Variants in LY9 observed in about 807,000 individuals in gnomAD.
The protein encoded by LY9 is T-lymphocyte surface antigen Ly-9.
A neutral mutation model predicts 64.6 loss-of-function variants in LY9; 59 were observed. The ratio of observed to expected loss-of-function variants is 0.91; its 90% CI spans 0.74 to 1.13. LY9 has a LOEUF of 1.13. Among genes scored for constraint, LY9 ranks in the 50% most tolerant of loss-of-function variants. The pLI is 0.00. For missense variants in LY9, 789 were observed against 797.2 expected (o/e 0.99, Z 0.12); for synonymous variants, 281 against 308.5 (o/e 0.91, Z 0.93).
chr1:160,799,281 C>T (rs1666206333), intron 1 of LY9: 1 of 157,780 alleles, frequency 6.3e-6, no homozygotes, highest in Non-Finnish European at 1.4e-5. Context: ...ACTTTGCTTG[C>T]TTTATCACTC....
chr1:160,806,642 C>T (rs1044661851), intron 2 of LY9, among the ~76,000 whole-genome samples: 2 of 152,156 alleles, frequency 1.3e-5, no homozygotes, highest in African/African-American at 2.4e-5. Flanking sequence ...AGATGTTTTT[C>T]TCTTACTGTT....
chr1:160,817,910 T>C (rs1222959669), intron 5 of LY9, among the ~76,000 whole-genome samples: 1 of 152,072 alleles, frequency 6.6e-6, no homozygotes, highest in African/African-American at 2.4e-5. Flanking sequence ...AGCGGGGCAG[T>C]GTAATGTGGC....
rs1665843488 is a variant in LY9 at position 160,796,251 on chromosome 1, A to G, written c.64A>G (p.Arg22Gly). ...APGPFSSKPQ[R>G]SQLQIFSSVL... ...TGGGCCTTTCTCCAGTAAGCCACAG[A>G]GGAGTCAGCTGCAAATATTCTCTTC... Residue 22 changes from arginine to glycine, a missense_variant, in exon 1 of 10, where the codon AGG (arginine) becomes GGG (glycine). Arg to Gly is a moderately radical substitution (Grantham distance 125, BLOSUM62 -2). Transcript: ENST00000263285. 6.2e-7 allele frequency: 1 copy of G among 1,614,086 alleles called. No homozygotes were observed. Among genetic ancestry groups the G allele is most frequent in the African/African-American group, 1.3e-5 (1 of 75,048 alleles).
At chr1:160,800,399 T>C (rs1020808029) in intron 2 of LY9, among the ~76,000 whole-genome samples, 1 of 151,966 alleles carries the variant, frequency 6.6e-6, no homozygotes, top group Non-Finnish European at 1.5e-5. Context: ...ACCATCCACT[T>C]CCACATGATC....
chr1:160,827,658 G>A (rs1571073890), intron 9 of LY9, 90 bp from the exon 10 acceptor site: 3 of 1,018,162 alleles, frequency 2.9e-6, no homozygotes, highest in East Asian at 5.0e-5. Context: ...GGATGGACCA[G>A]TCATAGCCTG....
chr1:160,802,347 C>A (rs935557178), intron 2 of LY9: 19 of 988,260 alleles, frequency 1.9e-5, no homozygotes, highest in Non-Finnish European at 2.0e-5. Flanking sequence ...GGAGGCCATC[C>A]GGGCCTGCTG....
At chr1:160,819,156 C>A (rs1378910105) in intron 6 of LY9, among the ~76,000 whole-genome samples, 165 bp from the exon 7 acceptor site, 1 of 152,200 alleles carries the variant, frequency 6.6e-6, no homozygotes, top group Non-Finnish European at 1.5e-5. Flanking sequence ...CTGGCCACCC[C>A]TTCACATAGG....
At position 160,828,141 on chromosome 1, in the gene LY9, A is replaced by ACAC. The variant is rs1022088835; in HGVS notation, c.*330_*332dup. On this transcript the variant is annotated 3_prime_UTR_variant, in exon 10 of 10. Transcript: ENST00000263285. The stretch of plus-strand genomic sequence containing the variant: ...GAGGGGCCTGGACCAGCTGTCCTTT[A>ACAC]CACCACCTTCTCAACACTGCTGAAA... 1 of 182,412 alleles carries ACAC rather than the reference A, an allele frequency of 5.5e-6. No homozygotes were observed. The highest frequency in any genetic ancestry group is 6.2e-5 in the Admixed American group (1 of 16,112). 11.3% of individuals were successfully genotyped at this position (182,412 alleles called of 1,614,324 possible). A position where few individuals can be genotyped will look rare whatever the true frequency, so the allele number is the denominator to read the frequency against.
At chr1:160,823,435 C>T (rs1668633192) in intron 7 of LY9, 30 bp from the exon 8 acceptor site, 4 of 1,556,518 alleles carry the variant, frequency 2.6e-6, no homozygotes, top group Middle Eastern at 1.7e-4. Flanking sequence ...GGTTGGCATA[C>T]TTTTATCAGC....
chr1:160,801,505 T>C (rs1012989471), intron 2 of LY9, among the ~76,000 whole-genome samples: 1 of 152,198 alleles, frequency 6.6e-6, no homozygotes, highest in Non-Finnish European at 1.5e-5. Context: ...TTCAACTCGT[T>C]GTCTCTTCAC....
chr1:160,826,816 C>T (rs1178230932), intron 9 of LY9, among the ~76,000 whole-genome samples: 4 of 152,216 alleles, frequency 2.6e-5, no homozygotes, highest in Admixed American at 2.6e-4. Context: ...GCCTTGGAAC[C>T]TAAGGCCAAA....
intron 2 of LY9, 114 bp downstream of exon 2, chr1:160,800,196 A>G (rs2101737817): frequency 1.4e-6 from 1 of 731,578 alleles, no homozygotes; most frequent in South Asian, 1.9e-5. Context: ...ATCAAGTCAG[A>G]GTTTTCAGTG....
intron 9 of LY9, among the ~76,000 whole-genome samples, chr1:160,826,133 A>C (rs1668840006): frequency 6.6e-6 from 1 of 152,234 alleles, no homozygotes; most frequent in Non-Finnish European, 1.5e-5. Context: ...TCTTACAATA[A>C]AGTAAGCTAG....
intron 2 of LY9, chr1:160,802,044 A>G (rs1396839334): frequency 1.4e-6 from 2 of 1,432,994 alleles, no homozygotes; most frequent in Non-Finnish European, 1.8e-6. Context: ...CGAGGCTGCT[A>G]GACGTGGGCG....
intron 2 of LY9, among the ~76,000 whole-genome samples, chr1:160,805,756 C>G (rs1417412022): frequency 7.1e-6 from 1 of 141,404 alleles, no homozygotes; most frequent in Non-Finnish European, 1.5e-5. Flanking sequence ...CACACACACA[C>G]ACACACACAC....
chr1:160,803,632 T>A (rs971750796), intron 2 of LY9, among the ~76,000 whole-genome samples: 2 of 152,230 alleles, frequency 1.3e-5, no homozygotes, highest in Non-Finnish European at 2.9e-5. Flanking sequence ...TGTACACTGA[T>A]TTCTATCCTG....
At chr1:160,813,549 A>T in intron 2 of LY9, 87 bp from the exon 3 acceptor site, 1 of 1,367,226 alleles carries the variant, frequency 7.3e-7, no homozygotes, top group South Asian at 1.4e-5. Context: ...GCTGCCCCCA[A>T]CTCCCCTATT....
rs1016856417 is a variant in LY9, at chr1:160,799,755, C to T, written c.127C>T (p.Leu43=). 2 of 1,609,570 alleles carry T rather than the reference C, an allele frequency of 1.2e-6. No homozygotes were observed. Among genetic ancestry groups the T allele is most frequent in the Non-Finnish European group, 1.7e-6 (2 of 1,176,834 alleles). ...QTSLLFLLMG[L]RASGKDSAPT... ...AAGTCCCTCTTCTATCTCTGCAGGA[C>T]TAAGAGCCTCTGGAAAGGACTCAGC... Residue 43 remains leucine (L), a splice_region_variant and synonymous_variant, in exon 2 of 10, where the codon CTA becomes TTA. Coordinates refer to ENST00000263285, the MANE Select transcript of LY9 (RefSeq NM_002348.4).
intron 2 of LY9, among the ~76,000 whole-genome samples, chr1:160,803,957 T>C (rs573228810): frequency 6.6e-6 from 1 of 152,118 alleles, no homozygotes; most frequent in Admixed American, 6.5e-5. Context: ...CTGCAGTGAG[T>C]CATGACTATA....
Sources: gnomAD v4.1 joint callset for allele counts (sites outside exome capture counted in the v4.1 genomes callset) on GRCh38, gnomAD v4.1.1 for gene constraint, MANE v1.5 for transcripts, NCBI Gene and HGNC (gene_info 2026-07-23, HGNC 2026-07-21) for gene names.